The following TMPRSS5 variants were observed in gnomAD, a reference collection of about 807,000 sequenced individuals.
TMPRSS5 encodes transmembrane protease serine 5.
TMPRSS5 carries 45 observed loss-of-function variants against 59.7 expected under a neutral mutation model. The observed-to-expected ratio is 0.75, with a 90% confidence interval of 0.59 to 0.97. The LOEUF (loss-of-function observed/expected upper bound fraction) is 0.97, where lower values mean the gene tolerates loss of function less well. Among genes scored for constraint, TMPRSS5 ranks in the 50% least tolerant of loss-of-function variants. The pLI is 0.00. For missense variants in TMPRSS5, 585 were observed against 596.7 expected (o/e 0.98, Z 0.20); for synonymous variants, 225 against 232.0 (o/e 0.97, Z 0.27).
chr11:113,701,059 C>T (rs1209231957), intron 1 of TMPRSS5, among the ~76,000 whole-genome samples: 1 of 152,218 alleles, frequency 6.6e-6, no homozygotes, highest in Non-Finnish European at 1.5e-5. Context: ...TTTCCTGAGG[C>T]CTCCCAGCCA....
intron 11 of TMPRSS5, 55 bp downstream of exon 11, chr11:113,690,176 G>GGCC: frequency 1.2e-4 from 46 of 388,206 alleles, no homozygotes; most frequent in Non-Finnish European, 1.7e-4. Flanking sequence ...CAGGCCCCCT[G>GGCC]CCCTCCCACC....
rs1365536288 is a variant in TMPRSS5, at chr11:113,696,968, G to A, written c.468C>T (p.Leu156=). The change falls in exon 6 of 13, where the codon CTC becomes CTT. Residue 156 remains leucine (L), a synonymous_variant. Coordinates refer to ENST00000299882, the MANE Select transcript of TMPRSS5 (RefSeq NM_030770.4). Reference sequence around the variant, plus strand: ...TGAGGTTTACTCCCTTGTGGTGAGTGAGTCTTGGCAGAAGAAGGGAATAGA... The same window carrying A: ...TGAGGTTTACTCCCTTGTGGTGAGTAAGTCTTGGCAGAAGAAGGGAATAGA... ...QICWSLGHLR[L]THHKGVNLTD... is the part of the protein sequence containing the mutation. 6.4e-7 allele frequency: 1 copy of A among 1,569,434 alleles called. No homozygotes were observed. Among genetic ancestry groups the A allele is most frequent in the Admixed American group, 1.9e-5 (1 of 53,472 alleles).
intron 2 of TMPRSS5, 136 bp from the exon 3 acceptor site, chr11:113,699,829 T>G (rs1261645659): frequency 9.4e-6 from 13 of 1,381,786 alleles, no homozygotes; most frequent in Non-Finnish European, 1.3e-5. Flanking sequence ...TCAGCCCAGA[T>G]TAGGGAGGGA....
chr11:113,699,797 C>T (rs1176667002), intron 2 of TMPRSS5, 104 bp from the exon 3 acceptor site: 9 of 1,401,696 alleles, frequency 6.4e-6, no homozygotes, highest in South Asian at 1.3e-5. Flanking sequence ...AGAGCTCCAA[C>T]AGGACACCTC....
intron 1 of TMPRSS5, among the ~76,000 whole-genome samples, chr11:113,704,934 G>A (rs980117907): frequency 4.6e-5 from 7 of 152,004 alleles, no homozygotes; most frequent in Non-Finnish European, 4.4e-5. Context: ...GAATTAAAAT[G>A]ACTTTAAAAA....
chr11:113,693,211 G>T lies in TMPRSS5; in HGVS notation c.824C>A (p.Ala275Glu), dbSNP rs769093554. The T allele has an allele frequency of 6.3e-7, 1 of 1,585,896 alleles. No homozygotes were observed. Among genetic ancestry groups the T allele is most frequent in the Non-Finnish European group, 8.6e-7 (1 of 1,164,932 alleles). ...LARLSSWRVH[A>E]GLVSHSAVRP... ...GACGGCACTGTGGCTGACCAGCCCC[G>T]CATGAACCCGCCAGCTGGACAGGCG... Residue 275 changes from alanine to glutamate, a missense_variant, in exon 9 of 13, where the codon GCG becomes GAG. Transcript: ENST00000299882.
chr11:113,705,910 A>T (rs549566285), intron 1 of TMPRSS5, among the ~76,000 whole-genome samples: 4 of 152,364 alleles, frequency 2.6e-5, no homozygotes, highest in Non-Finnish European at 5.9e-5. Flanking sequence ...AGAAAAAAAA[A>T]TGGCCTTTAA....
In TMPRSS5 at chr11:113,693,113, C is replaced by T. The variant is rs1353887504; in HGVS notation, c.922G>A (p.Asp308Asn). The T allele has an allele frequency of 6.9e-6, 11 of 1,590,054 alleles. No individual in the cohort carries two copies. The East Asian group carries it at 1.4e-4, about 20-fold the overall frequency. The change falls in exon 9 of 13, where the codon GAC (aspartate) becomes AAC (asparagine). Residue 308 changes from aspartate (D) to asparagine (N), a missense_variant. By Grantham distance (23) the Asp-to-Asn change is conservative. Transcript: ENST00000299882. ...PLYSAQNHDY[D>N]VALLRLQTAL... Reference sequence around the variant, plus strand: ...GTCTGGAGCCTCAGGAGGGCGACGTCGTAGTCATGATTCTGGGCACTGTAG... The same window carrying T: ...GTCTGGAGCCTCAGGAGGGCGACGTTGTAGTCATGATTCTGGGCACTGTAG...
At chr11:113,691,140 G>A (rs1952768931) in intron 9 of TMPRSS5, 2 of 582,574 alleles carry the variant, frequency 3.4e-6, no homozygotes, top group South Asian at 4.4e-5. Flanking sequence ...TGTCACAGAG[G>A]ACAGCATGCA....
In TMPRSS5 at chr11:113,687,624, T is replaced by C. The variant is rs1436553825; in HGVS notation, c.*636A>G. On this transcript the variant is annotated 3_prime_UTR_variant, in exon 13 of 13. Coordinates refer to ENST00000299882, the MANE Select transcript of TMPRSS5 (RefSeq NM_030770.4). Reference sequence around the variant, plus strand: ...GAACTGTCATTTAAAACCAATGTCCTAGACCAACTCCAACCTTCTTGTTTT... The same window carrying C: ...GAACTGTCATTTAAAACCAATGTCCCAGACCAACTCCAACCTTCTTGTTTT... The C allele has an allele frequency of 6.6e-6, 1 of 152,362 alleles. No individual in the cohort carries two copies. The highest frequency in any genetic ancestry group is 6.5e-5 in the Admixed American group (1 of 15,290). The allele number at this position is 152,362 out of a possible 1,614,324, so 9.4% of individuals were successfully genotyped here.
intron 4 of TMPRSS5, among the ~76,000 whole-genome samples, chr11:113,698,382 A>C (rs1952987380): frequency 6.6e-6 from 1 of 152,222 alleles, no homozygotes; most frequent in Non-Finnish European, 1.5e-5. Flanking sequence ...AACAAGAAGT[A>C]ATGTGCCCAA....
chr11:113,698,479 C>T (rs992661670), intron 4 of TMPRSS5, among the ~76,000 whole-genome samples: 1 of 152,128 alleles, frequency 6.6e-6, no homozygotes, highest in Non-Finnish European at 1.5e-5. Flanking sequence ...ACCTTCTGAT[C>T]CCCAACTCTT....
intron 4 of TMPRSS5, among the ~76,000 whole-genome samples, chr11:113,698,680 C>T (rs983498184): frequency 2.6e-5 from 4 of 152,224 alleles, no homozygotes; most frequent in African/African-American, 4.8e-5. Flanking sequence ...GCCTGGTCTC[C>T]GGACCTTGCC....
At chr11:113,697,554 T>G (rs1952965998) in intron 4 of TMPRSS5, 136 bp from the exon 5 acceptor site, 1 of 1,009,744 alleles carries the variant, frequency 9.9e-7, no homozygotes, top group African/African-American at 1.6e-5. Context: ...CCAAGTTCCC[T>G]GCTCCCCGGA....
chr11:113,695,757 C>T (rs1345156769), intron 6 of TMPRSS5, among the ~76,000 whole-genome samples: 8 of 152,088 alleles, frequency 5.3e-5, no homozygotes. Flanking sequence ...CACACTGTTC[C>T]CACTAAGTGT....
Position 113,696,865 on chromosome 11 carries a change from G to T in TMPRSS5, c.571C>A (p.Gln191Lys). Residue 191 changes from glutamine (Q) to lysine (K), a missense_variant, in exon 6 of 13, where the codon CAG (glutamine) becomes AAG (lysine). Transcript: ENST00000299882. ...RLGGFLEEAW[Q>K]PRNNCTSGQV... ...CAGCCTCAGTAGTCCTACCTGGGCT[G>T]CCACGCCTCCTCCAGGAAGCCTCCC... is the stretch of plus-strand genomic sequence containing the variant. The T allele has an allele frequency of 6.4e-7, 1 of 1,561,336 alleles. No individual in the cohort carries two copies. The highest frequency in any genetic ancestry group is 2.4e-5 in the East Asian group (1 of 41,898).
chr11:113,698,381 T>A lies in TMPRSS5; in HGVS notation c.328+524A>T, dbSNP rs540597276. Among the ~76,000 whole-genome samples the A allele has an allele frequency of 2.0e-5, 3 of 152,340 alleles. No individual in the cohort carries two copies. In the South Asian group the frequency reaches 6.2e-4, roughly 32 times the overall value. On this transcript the variant is annotated intron_variant, in intron 4 of 12. Coordinates refer to ENST00000299882, the MANE Select transcript of TMPRSS5 (RefSeq NM_030770.4). ...AGAAGGAAACAGAAGCAACAAGAAGTAATGTGCCCAAAGTCACACAGTCAA... is the reference window on the plus strand; with the variant it reads ...AGAAGGAAACAGAAGCAACAAGAAGAAATGTGCCCAAAGTCACACAGTCAA...
chr11:113,700,045 C>T (rs1176277234), intron 2 of TMPRSS5, 21 bp downstream of exon 2: 4 of 1,554,712 alleles, frequency 2.6e-6, no homozygotes, highest in Non-Finnish European at 3.5e-6. Context: ...TGTCATTCCC[C>T]TATGGCCCAG....
intron 1 of TMPRSS5, among the ~76,000 whole-genome samples, chr11:113,705,390 C>T (rs1953263649): frequency 6.6e-6 from 1 of 152,176 alleles, no homozygotes; most frequent in African/African-American, 2.4e-5. Flanking sequence ...AGCTCACAGA[C>T]AGCGCAGCAG....
Sources: allele counts gnomAD v4.1 joint callset (sites outside exome capture counted in the v4.1 genomes callset), GRCh38; gene constraint gnomAD v4.1.1; transcripts MANE v1.5; gene names NCBI Gene and HGNC (gene_info 2026-07-23, HGNC 2026-07-21).